Variants in AVEN observed in about 807,000 individuals in gnomAD.
AVEN encodes the protein cell death regulator Aven.
Under a neutral mutation model 38.1 loss-of-function variants are expected in AVEN, and 41 were observed. The observed-to-expected ratio is 1.08, with a 90% CI of 0.84 to 1.40. The LOEUF is 1.40. Ranked by LOEUF, AVEN falls within the 40% of genes most tolerant of loss-of-function variation. AVEN has a pLI of 0.00. For missense variants in AVEN, 605 were observed against 438.8 expected (o/e 1.38, Z -3.38); for synonymous variants, 206 against 171.8 (o/e 1.20, Z -1.56).
chr15:34,050,139 C>T (rs1899882716), intron 5 of AVEN, among the ~76,000 whole-genome samples: 2 of 152,072 alleles, frequency 1.3e-5, no homozygotes, highest in Admixed American at 6.6e-5. Flanking sequence ...CCACCCACCT[C>T]GGCCTCCCAA....
At chr15:33,945,592 T>C (rs949968443) in intron 2 of AVEN, among the ~76,000 whole-genome samples, 3 of 152,078 alleles carry the variant, frequency 2.0e-5, no homozygotes, top group African/African-American at 7.3e-5. Flanking sequence ...ATGTTTTGTT[T>C]TGGTTTTTTT....
At chr15:34,034,313 C>T (rs932045392) in intron 1 of AVEN, among the ~76,000 whole-genome samples, 5 of 151,938 alleles carry the variant, frequency 3.3e-5, no homozygotes, top group African/African-American at 7.3e-5. Context: ...TGGTGGTTCA[C>T]GCCTGTACTC....
chr15:33,974,936 C>T (rs536717575), intron 2 of AVEN, among the ~76,000 whole-genome samples: 30 of 152,230 alleles, frequency 2.0e-4, no homozygotes, highest in African/African-American at 6.0e-4. Flanking sequence ...TGCACCATTA[C>T]GCTCCAGCCT....
the AVEN span, chr15:33,853,084 A>AAAGGT: frequency 3.8e-5 from 61 of 1,598,310 alleles, no homozygotes; most frequent in Non-Finnish European, 5.1e-5. Context: ...TTGTAAAGAG[A>AAAGGT]AAGGTATGCC....
intron 4 of AVEN, among the ~76,000 whole-genome samples, chr15:33,868,299 G>T (rs1168342897): frequency 6.6e-6 from 1 of 152,036 alleles, no homozygotes; most frequent in Non-Finnish European, 1.5e-5. Flanking sequence ...CAAGGTGGGT[G>T]GATCATGAGG....
chr15:33,949,235 C>T (rs563937485), intron 2 of AVEN, among the ~76,000 whole-genome samples: 1 of 151,870 alleles, frequency 6.6e-6, no homozygotes, highest in African/African-American at 2.4e-5. Flanking sequence ...ACCGTGTTAG[C>T]CAGGATGGTC....
upstream of AVEN, among the ~76,000 whole-genome samples, chr15:34,042,251 A>G (rs780658081): frequency 2.0e-5 from 3 of 152,208 alleles, no homozygotes; most frequent in African/African-American, 4.8e-5. Flanking sequence ...AACATATGCC[A>G]TTGCATGAAT....
At chr15:33,977,262 C>T (rs1895924345) in intron 2 of AVEN, among the ~76,000 whole-genome samples, 1 of 151,912 alleles carries the variant, frequency 6.6e-6, no homozygotes, top group African/African-American at 2.4e-5. Flanking sequence ...ATAACAAGAA[C>T]AAGCTCCAAT....
At chr15:33,908,627 C>A (rs1892799154) in intron 2 of AVEN, among the ~76,000 whole-genome samples, 1 of 152,094 alleles carries the variant, frequency 6.6e-6, no homozygotes, top group African/African-American at 2.4e-5. Context: ...TTCTGACTGG[C>A]TTATTTGTCT....
In AVEN at chr15:33,867,762, C is replaced by T. The variant is rs769246123; in HGVS notation, c.706G>A (p.Gly236Arg). 6.2e-7 allele frequency: 1 copy of T among 1,614,212 alleles called. No individual in the cohort carries two copies. Among genetic ancestry groups the T allele is most frequent in the Non-Finnish European group, 8.5e-7 (1 of 1,180,040 alleles). The part of the protein sequence containing the change: ...GMQLKGPLGP[G>R]GRGPIFELKS... ...AGCTCAAAGATGGGCCCCCTTCCTC[C>T]AGGCCCCAAGGGCCCCTTTAACTGC... The change falls in exon 5 of 6, where the codon GGA becomes AGA. Residue 236 changes from glycine (G) to arginine (R), a missense_variant. Transcript: ENST00000306730.
intron 2 of AVEN, among the ~76,000 whole-genome samples, chr15:33,884,205 T>C (rs945798757): frequency 6.6e-6 from 1 of 152,162 alleles, no homozygotes; most frequent in Admixed American, 6.5e-5. Flanking sequence ...TTCCACTGTT[T>C]CTGCTAGGCC....
chr15:33,891,407 G>A (rs1234184514), intron 2 of AVEN, among the ~76,000 whole-genome samples: 1 of 151,988 alleles, frequency 6.6e-6, no homozygotes, highest in Non-Finnish European at 1.5e-5. Context: ...GACGGGCCCT[G>A]GTGTATGATG....
intron 2 of AVEN, among the ~76,000 whole-genome samples, chr15:33,924,353 G>C: frequency 1.3e-5 from 1 of 78,558 alleles, no homozygotes; most frequent in South Asian, 3.6e-4. Flanking sequence ...CTAGGTGACA[G>C]AGCGAGACTG....
At position 33,997,713 on chromosome 15, in the gene AVEN, A is replaced by T. The variant is rs1400615243; in HGVS notation, c.445+5319T>A. Among the ~76,000 whole-genome samples, 12 of 151,912 alleles carry T rather than the reference A, an allele frequency of 7.9e-5. 1 individual carries two copies. Among genetic ancestry groups the T allele is most frequent in the Admixed American group, 7.9e-4 (12 of 15,242 alleles). On this transcript the variant is annotated intron_variant, in intron 2 of 5. Coordinates refer to ENST00000306730, the MANE Select transcript of AVEN (RefSeq NM_020371.3). ...CTCTCATATCTTCACTTATTTCCTT[A>T]TCCCACTTAAATTCATTTCAATCAT...
At chr15:33,946,457 G>T (rs1158676105) in intron 2 of AVEN, among the ~76,000 whole-genome samples, 2 of 152,182 alleles carry the variant, frequency 1.3e-5, no homozygotes, top group Non-Finnish European at 2.9e-5. Context: ...AATCGGGCAA[G>T]CAATTCCTGG....
chr15:34,023,941 C>G (rs751888009), intron 1 of AVEN, among the ~76,000 whole-genome samples: 1 of 152,040 alleles, frequency 6.6e-6, no homozygotes, highest in Non-Finnish European at 1.5e-5. Context: ...AGAGAGGAGC[C>G]CAGAGAGTGG....
At chr15:33,861,018 G>A in intron 11 of AVEN, 22 of 1,263,476 alleles carry the variant, frequency 1.7e-5, no homozygotes, top group East Asian at 5.1e-5. Context: ...AATCATGACA[G>A]TTTTCTCTCC....
At chr15:33,955,498 G>A (rs1343011628) in intron 2 of AVEN, among the ~76,000 whole-genome samples, 1 of 152,136 alleles carries the variant, frequency 6.6e-6, no homozygotes, top group Admixed American at 6.5e-5. Flanking sequence ...TAACGTCCTA[G>A]ACCAAAAGGT....
At chr15:33,880,742 A>T (rs935093842) in intron 2 of AVEN, among the ~76,000 whole-genome samples, 4 of 152,220 alleles carry the variant, frequency 2.6e-5, no homozygotes, top group Non-Finnish European at 5.9e-5. Context: ...GTAGAAAACA[A>T]AGAGAAAAGA....
Sources: allele counts gnomAD v4.1 joint callset (sites outside exome capture counted in the v4.1 genomes callset), GRCh38; gene constraint gnomAD v4.1.1; transcripts MANE v1.5; gene names NCBI Gene and HGNC (gene_info 2026-07-23, HGNC 2026-07-21).